The following BAAT variants were observed in gnomAD, a reference collection of about 807,000 sequenced individuals.
BAAT encodes bile acid-CoA:amino acid N-acyltransferase.
Under a neutral mutation model 18.9 loss-of-function variants are expected in BAAT, and 13 were observed. That is an observed-to-expected ratio of 0.69 (90% CI 0.45 to 1.10). The LOEUF is 1.10. BAAT is among the 50% of genes least tolerant of loss of function. The pLI is 0.00. For missense variants in BAAT, 489 were observed against 504.0 expected (o/e 0.97, Z 0.28); for synonymous variants, 170 against 190.7 (o/e 0.89, Z 0.89).
chr9:101,365,815 T>A (rs1025017742), intron 3 of BAAT, among the ~76,000 whole-genome samples: 2 of 152,194 alleles, frequency 1.3e-5, no homozygotes, highest in African/African-American at 2.4e-5. Flanking sequence ...ATTACAGGCA[T>A]GAGCCACTGT....
chr9:101,362,504 G>A lies in BAAT; in HGVS notation c.1181C>T (p.Ala394Val). 6.2e-7 allele frequency: 1 copy of A among 1,614,110 alleles called. No homozygotes were observed. The highest frequency in any genetic ancestry group is 8.5e-7 in the Non-Finnish European group (1 of 1,180,030). ...WGGEVIPHAA[A>V]QEHAWKEIQR... Reference sequence around the variant, plus strand: ...GATCTCCTTCCAAGCATGTTCCTGTGCAGCTGCGTGTGGGATCACCTCTCC... The same window carrying A: ...GATCTCCTTCCAAGCATGTTCCTGTACAGCTGCGTGTGGGATCACCTCTCC... The change falls in exon 4 of 4, where the codon GCA becomes GTA. Residue 394 changes from alanine (A) to valine (V), a missense_variant. By Grantham distance (64) the Ala-to-Val change is moderately conservative. Transcript: ENST00000259407.
intron 1 of BAAT, among the ~76,000 whole-genome samples, chr9:101,380,181 C>T (rs1186827018): frequency 6.6e-6 from 1 of 152,130 alleles, no homozygotes; most frequent in African/African-American, 2.4e-5. Context: ...CTGATTAATC[C>T]CACTTCTAGG....
chr9:101,383,931 C>G (rs1393371820), intron 1 of BAAT, among the ~76,000 whole-genome samples: 3 of 152,144 alleles, frequency 2.0e-5, no homozygotes, highest in Non-Finnish European at 4.4e-5. Flanking sequence ...ATAAAATACT[C>G]AAGCCCCACT....
At chr9:101,384,570 T>C (rs914568042) in intron 1 of BAAT, among the ~76,000 whole-genome samples, 3 of 152,176 alleles carry the variant, frequency 2.0e-5, no homozygotes, top group Non-Finnish European at 4.4e-5. Flanking sequence ...TGTGACAATA[T>C]GAATAACTTT....
At position 101,363,001 on chromosome 9, in the gene BAAT, G is replaced by T. The variant is rs376870227; in HGVS notation, c.684C>A (p.Gly228=). The T allele has an allele frequency of 7.4e-6, 12 of 1,613,520 alleles. No homozygotes were observed. Among genetic ancestry groups the T allele is most frequent in the African/African-American group, 5.3e-5 (4 of 74,820 alleles). The change falls in exon 4 of 4, where the codon GGC becomes GGA. Residue 228 remains glycine, a synonymous_variant. Transcript: ENST00000259407. ...LLRHPKVFGS[G]VGVVSVCQGV... ...CTTGACATACAGAGACTACCCCAAC[G>T]CCTGAGCCAAAGACCTGAAAAAAAT... is the stretch of plus-strand genomic sequence containing the variant.
intron 1 of BAAT, among the ~76,000 whole-genome samples, chr9:101,372,761 A>C (rs1055194590): frequency 1.3e-5 from 2 of 152,080 alleles, no homozygotes; most frequent in Non-Finnish European, 2.9e-5. Context: ...TCTCTCCTAC[A>C]TGCTGATTTA....
rs1327668236 is a variant in BAAT at position 101,361,370 on chromosome 9, A to G, written c.*1058T>C. 6.6e-6 allele frequency: 1 copy of G among 152,648 alleles called. No homozygotes were observed. Among genetic ancestry groups the G allele is most frequent in the African/African-American group, 2.4e-5 (1 of 41,452 alleles). 9.5% of individuals were successfully genotyped at this position (152,648 alleles called of 1,614,324 possible). A position where few individuals can be genotyped will look rare whatever the true frequency, so the allele number is the denominator to read the frequency against. On this transcript the variant is annotated 3_prime_UTR_variant, in exon 4 of 4. Transcript: ENST00000259407. ...TGGTAGTTATGTTGCTATGAGGACTATATGATCAAAGCCTTATAGCAAAAA... is the reference window on the plus strand; with the variant it reads ...TGGTAGTTATGTTGCTATGAGGACTGTATGATCAAAGCCTTATAGCAAAAA...
intron 3 of BAAT, among the ~76,000 whole-genome samples, chr9:101,367,827 C>G (rs1829857178): frequency 6.6e-6 from 1 of 152,202 alleles, no homozygotes; most frequent in African/African-American, 2.4e-5. Context: ...TATGACTTCT[C>G]TTAACTTCCA....
In BAAT at chr9:101,376,799, A is replaced by C. The variant is rs548105816; in HGVS notation, c.-59-5336T>G. Among the ~76,000 whole-genome samples, 5 of 152,378 alleles carry C rather than the reference A, an allele frequency of 3.3e-5. No individual in the cohort carries two copies. The East Asian group carries it at 7.7e-4, about 23-fold the overall frequency. On this transcript the variant is annotated intron_variant, in intron 1 of 3. Coordinates refer to ENST00000259407, the MANE Select transcript of BAAT (RefSeq NM_001701.4). ...AGATTGTTTCAAAATGAATGGAAGAAATGATATAGATACAAATAAATAGAT... is the reference window on the plus strand; with the variant it reads ...AGATTGTTTCAAAATGAATGGAAGACATGATATAGATACAAATAAATAGAT...
intron 3 of BAAT, among the ~76,000 whole-genome samples, chr9:101,367,144 A>C (rs1030527799): frequency 1.3e-5 from 2 of 151,584 alleles, no homozygotes; most frequent in African/African-American, 4.8e-5. Context: ...AGGAAAGGAA[A>C]GAAAAAATAT....
chr9:101,377,471 TG>T (rs1416056977), intron 1 of BAAT, among the ~76,000 whole-genome samples: 1 of 152,146 alleles, frequency 6.6e-6, no homozygotes, highest in Non-Finnish European at 1.5e-5. Flanking sequence ...TAAAATGGTC[TG>T]GGGGTGGAGT....
chr9:101,370,871 T>A, intron 2 of BAAT, 68 bp downstream of exon 2: 1 of 1,533,180 alleles, frequency 6.5e-7, no homozygotes. Context: ...TCAAGCTAAA[T>A]TTCTAGACGG....
chr9:101,383,786 TG>T (rs1830164750), intron 1 of BAAT, among the ~76,000 whole-genome samples: 1 of 152,202 alleles, frequency 6.6e-6, no homozygotes, highest in African/African-American at 2.4e-5. Context: ...TGACCCCTAT[TG>T]GCACCATTAG....
intron 1 of BAAT, among the ~76,000 whole-genome samples, chr9:101,378,498 A>C (rs1016628844): frequency 1.3e-5 from 2 of 152,230 alleles, no homozygotes; most frequent in African/African-American, 2.4e-5. Context: ...CTATTTAATA[A>C]ACGGTCCTGG....
chr9:101,369,083 C>T (rs1829881835), intron 2 of BAAT, among the ~76,000 whole-genome samples: 1 of 152,122 alleles, frequency 6.6e-6, no homozygotes, highest in Non-Finnish European at 1.5e-5. Flanking sequence ...ATTCTACAGT[C>T]ACTCTGTATA....
intron 1 of BAAT, among the ~76,000 whole-genome samples, chr9:101,380,957 A>C (rs1564059391): frequency 1.3e-5 from 2 of 151,880 alleles, no homozygotes; most frequent in South Asian, 4.2e-4. Flanking sequence ...GGGTTTCAGC[A>C]TGTTGGTCAG....
chr9:101,365,395 A>G (rs552714370), intron 3 of BAAT, among the ~76,000 whole-genome samples: 1 of 152,134 alleles, frequency 6.6e-6, no homozygotes, highest in Non-Finnish European at 1.5e-5. Flanking sequence ...GAAAAAAAAA[A>G]CTAAACAAAT....
intron 3 of BAAT, among the ~76,000 whole-genome samples, 166 bp from the exon 4 acceptor site, chr9:101,363,181 G>T (rs1460950484): frequency 6.6e-6 from 1 of 152,114 alleles, no homozygotes; most frequent in Non-Finnish European, 1.5e-5. Flanking sequence ...GTATTCAAAA[G>T]AAATACTCCA....
intron 3 of BAAT, among the ~76,000 whole-genome samples, chr9:101,365,737 TTGGCCAGGC>T (rs1829814708): frequency 1.3e-5 from 2 of 152,104 alleles, no homozygotes; most frequent in African/African-American, 4.8e-5. Flanking sequence ...TTTCTCCATG[TTGGCCAGGC>T]TGGTCTTGAA....
Sources: gnomAD v4.1 joint callset for allele counts (sites outside exome capture counted in the v4.1 genomes callset) on GRCh38, gnomAD v4.1.1 for gene constraint, MANE v1.5 for transcripts, NCBI Gene and HGNC (gene_info 2026-07-23, HGNC 2026-07-21) for gene names.